Variants in FCHSD2 observed in about 807,000 individuals in gnomAD.
FCHSD2 encodes FCH and double SH3 domains 2, also known as F-BAR and double SH3 domains protein 2.
FCHSD2 carries 38 observed loss-of-function variants against 108.1 expected under a neutral mutation model. The ratio of observed to expected loss-of-function variants is 0.35; its 90% CI spans 0.27 to 0.46. The LOEUF (loss-of-function observed/expected upper bound fraction) is 0.46. Among genes scored for constraint, FCHSD2 ranks in the 20% least tolerant of loss-of-function variants. The pLI is 1.00. For synonymous variants in FCHSD2, 279 were observed against 314.7 expected (o/e 0.89, Z 1.20); for missense variants, 751 against 897.8 (o/e 0.84, Z 2.09).
chr11:72,946,317 G>A (rs575677214), intron 8 of FCHSD2, among the ~76,000 whole-genome samples: 1 of 147,766 alleles, frequency 6.8e-6, no homozygotes, highest in African/African-American at 2.5e-5. Context: ...AACACCACAT[G>A]TTCTCACTCA....
intron 9 of FCHSD2, among the ~76,000 whole-genome samples, chr11:72,907,802 C>A (rs1855664731): frequency 1.3e-5 from 2 of 151,794 alleles, no homozygotes; most frequent in South Asian, 4.2e-4. Context: ...ACCATGTTAG[C>A]CAGGATGGTC....
intron 12 of FCHSD2, among the ~76,000 whole-genome samples, chr11:72,873,184 C>A (rs1419307034): frequency 6.6e-6 from 1 of 151,984 alleles, no homozygotes; most frequent in East Asian, 1.9e-4. Context: ...AAAAAATTAG[C>A]CGGACACGGT....
At chr11:72,876,982 T>A (rs1329459372) in intron 12 of FCHSD2, among the ~76,000 whole-genome samples, 1 of 152,120 alleles carries the variant, frequency 6.6e-6, no homozygotes, top group Non-Finnish European at 1.5e-5. Flanking sequence ...TTCATTTTTT[T>A]TTTTTTTAGA....
At chr11:73,080,501 A>G (rs1184484566) in intron 3 of FCHSD2, among the ~76,000 whole-genome samples, 1 of 152,172 alleles carries the variant, frequency 6.6e-6, no homozygotes, top group African/African-American at 2.4e-5. Context: ...ATTTAGAGTT[A>G]CAAAAGTAAC....
At chr11:73,004,533 T>C (rs2135421577) in intron 4 of FCHSD2, among the ~76,000 whole-genome samples, 1 of 152,328 alleles carries the variant, frequency 6.6e-6, no homozygotes, top group African/African-American at 2.4e-5. Context: ...CTTGCCCCTC[T>C]CATAATCTCC....
intron 2 of FCHSD2, among the ~76,000 whole-genome samples, chr11:73,119,799 G>C (rs961351096): frequency 6.6e-6 from 1 of 152,096 alleles, no homozygotes; most frequent in Non-Finnish European, 1.5e-5. Context: ...TCTACTTCTA[G>C]AAATTTATCC....
intron 3 of FCHSD2, among the ~76,000 whole-genome samples, chr11:73,070,711 C>T (rs1288653502): frequency 2.0e-5 from 3 of 151,648 alleles, no homozygotes; most frequent in Non-Finnish European, 4.4e-5. Context: ...CAGGCGTGAG[C>T]CACCATACCC....
rs143501492 is a variant in FCHSD2 at position 73,140,420 on chromosome 11, T to G, written c.22-292A>C. On this transcript the variant is annotated intron_variant, in intron 1 of 19. Coordinates refer to ENST00000409418, the MANE Select transcript of FCHSD2 (RefSeq NM_014824.3). ...ATTTCATGCACAAGCTCAATCCACG[T>G]CTAGGTCTTCCTACAGTTTTAAAAG... Among the ~76,000 whole-genome samples, 548 of 152,314 alleles carry G rather than the reference T, an allele frequency of 3.6e-3. 2 individuals are homozygous for G. The highest frequency in any genetic ancestry group is 0.013 in the African/African-American group (520 of 41,566).
At chr11:72,943,942 C>T (rs1446255818) in intron 8 of FCHSD2, among the ~76,000 whole-genome samples, 2 of 152,116 alleles carry the variant, frequency 1.3e-5, no homozygotes, top group Admixed American at 1.3e-4. Flanking sequence ...CATTGTGATG[C>T]TGCCAACTTT....
chr11:72,939,056 T>G (rs1856361393), intron 8 of FCHSD2, among the ~76,000 whole-genome samples: 1 of 152,192 alleles, frequency 6.6e-6, no homozygotes, highest in African/African-American at 2.4e-5. Context: ...CTGTACTTTT[T>G]TGGGGGTATA....
chr11:73,074,405 C>G (rs2135503590), intron 3 of FCHSD2, among the ~76,000 whole-genome samples: 1 of 152,164 alleles, frequency 6.6e-6, no homozygotes, highest in African/African-American at 2.4e-5. Context: ...AACTGAATAT[C>G]CACATAGAAA....
At chr11:72,979,920 A>G (rs1857180290) in intron 8 of FCHSD2, among the ~76,000 whole-genome samples, 1 of 152,242 alleles carries the variant, frequency 6.6e-6, no homozygotes, top group Non-Finnish European at 1.5e-5. Flanking sequence ...TGTTATCACC[A>G]AGATAACTGC....
chr11:72,958,277 G>T (rs951168919), intron 8 of FCHSD2, among the ~76,000 whole-genome samples: 2 of 152,192 alleles, frequency 1.3e-5, no homozygotes, highest in African/African-American at 4.8e-5. Context: ...TAGCACTTTG[G>T]AAGGCTGAGG....
At chr11:72,854,368 C>G (rs1316918966) in intron 13 of FCHSD2, among the ~76,000 whole-genome samples, 1 of 152,104 alleles carries the variant, frequency 6.6e-6, no homozygotes, top group African/African-American at 2.4e-5. Flanking sequence ...ATGTATATAC[C>G]ACAAACCAAA....
intron 2 of FCHSD2, among the ~76,000 whole-genome samples, chr11:73,127,565 G>T (rs1860887665): frequency 6.6e-6 from 1 of 152,164 alleles, no homozygotes; most frequent in Non-Finnish European, 1.5e-5. Context: ...CAACAACATA[G>T]AATGGCATCT....
rs1305893399 is a variant in FCHSD2 at position 72,989,019 on chromosome 11, A to G, written c.466T>C (p.Phe156Leu). Residue 156 changes from phenylalanine to leucine, a missense_variant, in exon 6 of 20, where the codon TTT becomes CTT. By Grantham distance (22) the Phe-to-Leu change is conservative. Coordinates refer to ENST00000409418, the MANE Select transcript of FCHSD2 (RefSeq NM_014824.3). ...GCATGAGCCATCTGTTCAGTCTCAA[A>G]GTATTTCTTTTTGCCTTTAGCTAAA... Reference protein sequence around the residue: ...KDLAKGKKKYFETEQMAHAVR... With the variant: ...KDLAKGKKKYLETEQMAHAVR... 1.2e-6 allele frequency: 2 copies of G among 1,612,074 alleles called. No homozygotes were observed. The highest frequency in any genetic ancestry group is 2.2e-5 in the East Asian group (1 of 44,846).
intron 2 of FCHSD2, among the ~76,000 whole-genome samples, chr11:73,113,351 GTCTTTT>G (rs1860533888): frequency 1.7e-5 from 2 of 119,436 alleles, no homozygotes; most frequent in African/African-American, 6.5e-5. Flanking sequence ...TCCCAAGATG[GTCTTTT>G]TTTTTTTTTT....
chr11:73,087,006 G>A (rs1859832249), intron 2 of FCHSD2, among the ~76,000 whole-genome samples: 1 of 152,156 alleles, frequency 6.6e-6, no homozygotes, highest in Non-Finnish European at 1.5e-5. Flanking sequence ...ACAGCTAACT[G>A]TAAAACAGCC....
At chr11:72,895,324 T>G (rs1855395692) in intron 10 of FCHSD2, among the ~76,000 whole-genome samples, 1 of 152,190 alleles carries the variant, frequency 6.6e-6, no homozygotes, top group Non-Finnish European at 1.5e-5. Flanking sequence ...TGTCTTGGAT[T>G]AAGAGTACCA....
Sources: gnomAD v4.1 joint callset for allele counts (sites outside exome capture counted in the v4.1 genomes callset) on GRCh38, gnomAD v4.1.1 for gene constraint, MANE v1.5 for transcripts, NCBI Gene and HGNC (gene_info 2026-07-23, HGNC 2026-07-21) for gene names.